The following DLGAP2 variants were observed in gnomAD, a reference collection of about 807,000 sequenced individuals.
DLGAP2 encodes disks large-associated protein 2.
In DLGAP2, 26 loss-of-function variants were observed where a neutral mutation model predicts 100.3. The ratio of observed to expected loss-of-function variants is 0.26; its 90% CI spans 0.19 to 0.36. DLGAP2 has a LOEUF of 0.36. Ranked by LOEUF, DLGAP2 falls within the 10% of genes least tolerant of loss-of-function variation. DLGAP2 has a pLI of 1.00. For missense variants in DLGAP2, 1,858 were observed against 1,453.2 expected, an observed-to-expected ratio of 1.28 and a Z score of -4.53; for synonymous variants, 886 against 630.1, an observed-to-expected ratio of 1.41 and a Z score of -6.08.
chr8:952,277 A>G (rs1799499830), intron 2 of DLGAP2, among the ~76,000 whole-genome samples: 1 of 152,206 alleles, frequency 6.6e-6, no homozygotes. Flanking sequence ...GGACCTCTTG[A>G]TGCTATTACT....
At chr8:1,353,443 A>G (rs148585974) in intron 3 of DLGAP2, among the ~76,000 whole-genome samples, 24 of 152,312 alleles carry the variant, frequency 1.6e-4, no homozygotes, top group African/African-American at 5.8e-4. Flanking sequence ...TCACTTTATG[A>G]TGAAATAGGC....
rs551886669 is a variant in DLGAP2 at position 1,040,651 on chromosome 8, C to T, written c.73+132685C>T. Among the ~76,000 whole-genome samples, 17 of 149,164 alleles carry T rather than the reference C, an allele frequency of 1.1e-4. No individual in the cohort carries two copies. In the East Asian group the frequency reaches 2.2e-3, roughly 19 times the overall value. On this transcript the variant is annotated intron_variant, in intron 2 of 14. Transcript: ENST00000637795. ...CGATTTCCGTGGTTGGCTCGGTGTG[C>T]GTGGTCGGCTTGGTGTGTGTGGTCG...
chr8:1,436,919 A>G (rs571582220), intron 3 of DLGAP2, among the ~76,000 whole-genome samples: 1 of 152,352 alleles, frequency 6.6e-6, no homozygotes, highest in African/African-American at 2.4e-5. Flanking sequence ...CCTGTGTTAC[A>G]GTTTTCTACA....
chr8:1,356,363 G>C (rs1051750434), intron 3 of DLGAP2, among the ~76,000 whole-genome samples: 1 of 152,190 alleles, frequency 6.6e-6, no homozygotes, highest in Non-Finnish European at 1.5e-5. Flanking sequence ...TTTTCTAGAT[G>C]TTTAAAGCTC....
intron 1 of DLGAP2, among the ~76,000 whole-genome samples, chr8:881,666 A>ATATATATATATATATATATCTATATATAT: frequency 7.6e-6 from 1 of 131,048 alleles, no homozygotes; most frequent in African/African-American, 2.7e-5. Flanking sequence ...CTTGTGGCTG[A>ATATATATATATATATATATCTATATATAT]ACACACACAC....
At chr8:773,179 G>A (rs1316745947) in intron 1 of DLGAP2, among the ~76,000 whole-genome samples, 2 of 152,150 alleles carry the variant, frequency 1.3e-5, no homozygotes, top group Non-Finnish European at 2.9e-5. Flanking sequence ...CGTCAGCAGG[G>A]CTGGTTTCTG....
At chr8:1,351,755 CTATG>C (rs1801732324) in intron 3 of DLGAP2, among the ~76,000 whole-genome samples, 1 of 45,804 alleles carries the variant, frequency 2.2e-5, no homozygotes, top group Non-Finnish European at 4.5e-5. Flanking sequence ...CGGGTCCTGA[CTATG>C]TGTGGAAAGG....
At chr8:782,681 C>G (rs1293000893) in intron 1 of DLGAP2, among the ~76,000 whole-genome samples, 1 of 152,180 alleles carries the variant, frequency 6.6e-6, no homozygotes, top group African/African-American at 2.4e-5. Context: ...CCCCTGAACA[C>G]TGATTTTATC....
intron 3 of DLGAP2, among the ~76,000 whole-genome samples, chr8:1,360,853 T>G (rs924199576): frequency 6.6e-6 from 1 of 152,002 alleles, no homozygotes. Context: ...CACACGACGG[T>G]GAGATCCAGA....
chr8:1,683,429 T>A (rs1799010443), intron 12 of DLGAP2, among the ~76,000 whole-genome samples: 1 of 151,456 alleles, frequency 6.6e-6, no homozygotes, highest in Admixed American at 6.6e-5. Context: ...GGAGGGTCTG[T>A]GCTACCTGAC....
intron 3 of DLGAP2, among the ~76,000 whole-genome samples, chr8:1,426,387 T>C (rs1797237278): frequency 6.6e-6 from 1 of 151,974 alleles, no homozygotes; most frequent in African/African-American, 2.4e-5. Context: ...GGCCAAGGAA[T>C]ACAAACAAAT....
chr8:997,857 C>A (rs969155975), intron 2 of DLGAP2, among the ~76,000 whole-genome samples: 6 of 146,140 alleles, frequency 4.1e-5, no homozygotes, highest in Non-Finnish European at 6.2e-5. Context: ...TACATACACA[C>A]ATACACACAA....
intron 2 of DLGAP2, among the ~76,000 whole-genome samples, chr8:1,192,825 C>A (rs1038850444): frequency 6.6e-6 from 1 of 151,908 alleles, no homozygotes; most frequent in Non-Finnish European, 1.5e-5. Flanking sequence ...CTCCCCACTC[C>A]CCCCACCCCA....
intron 2 of DLGAP2, among the ~76,000 whole-genome samples, chr8:964,982 C>T (rs957113105): frequency 5.9e-5 from 9 of 152,030 alleles, no homozygotes; most frequent in African/African-American, 1.5e-4. Flanking sequence ...CGCGTGCACA[C>T]GGCACTGTTC....
chr8:1,147,647 T>G (rs776914250), intron 2 of DLGAP2, among the ~76,000 whole-genome samples: 4 of 151,722 alleles, frequency 2.6e-5, no homozygotes, highest in Non-Finnish European at 5.9e-5. Context: ...TCCTTCTGCC[T>G]CAGTCACCCT....
At chr8:1,500,976 C>T (rs1246534681) in intron 3 of DLGAP2, among the ~76,000 whole-genome samples, 1 of 152,152 alleles carries the variant, frequency 6.6e-6, no homozygotes, top group Non-Finnish European at 1.5e-5. Flanking sequence ...CGATGCAGGG[C>T]CCTCATGGGA....
intron 8 of DLGAP2, among the ~76,000 whole-genome samples, chr8:1,650,158 T>A (rs1798130038): frequency 6.6e-6 from 1 of 152,236 alleles, no homozygotes; most frequent in African/African-American, 2.4e-5. Flanking sequence ...CATTACTTTA[T>A]AACCATTTCG....
At chr8:1,481,184 A>G (rs907087089) in intron 3 of DLGAP2, among the ~76,000 whole-genome samples, 11 of 152,116 alleles carry the variant, frequency 7.2e-5, no homozygotes, top group African/African-American at 2.4e-4. Context: ...AAAATAAAAA[A>G]AAAATTTTAA....
chr8:1,154,130 A>G (rs1364143259), intron 2 of DLGAP2, among the ~76,000 whole-genome samples: 1 of 152,210 alleles, frequency 6.6e-6, no homozygotes, highest in African/African-American at 2.4e-5. Context: ...CCAGTATCAA[A>G]CCAGATGGCT....
Sources: gnomAD v4.1 joint callset for allele counts (sites outside exome capture counted in the v4.1 genomes callset) on GRCh38, gnomAD v4.1.1 for gene constraint, MANE v1.5 for transcripts, NCBI Gene and HGNC (gene_info 2026-07-23, HGNC 2026-07-21) for gene names.